SERPINB8: variants seen among roughly 807,000 people sequenced by gnomAD.
SERPINB8 encodes the protein serpin B8.
Under a neutral mutation model 35.3 loss-of-function variants are expected in SERPINB8, and 25 were observed. The observed-to-expected ratio is 0.71, with a 90% confidence interval of 0.52 to 0.99. SERPINB8 has a LOEUF of 0.99. Among genes scored for constraint, SERPINB8 ranks in the 50% least tolerant of loss-of-function variants. The pLI is 0.00. For missense variants in SERPINB8, 484 were observed against 446.5 expected (o/e 1.08, Z -0.76); for synonymous variants, 186 against 160.8 (o/e 1.16, Z -1.19).
At chr18:64,016,715 C>T (rs968783892) in intron 7 of SERPINB8, among the ~76,000 whole-genome samples, 2 of 152,136 alleles carry the variant, frequency 1.3e-5, no homozygotes, top group African/African-American at 4.8e-5. Context: ...TTTCAGATTT[C>T]ATCCAGGAGC....
At chr18:63,977,730 T>G (rs2144797016) in intron 1 of SERPINB8, among the ~76,000 whole-genome samples, 1 of 152,314 alleles carries the variant, frequency 6.6e-6, no homozygotes, top group East Asian at 1.9e-4. Context: ...TCATAGGCCC[T>G]GAGATTGGCT....
At chr18:63,974,503 T>TGGACA (rs1036235647) in intron 1 of SERPINB8, among the ~76,000 whole-genome samples, 3 of 152,218 alleles carry the variant, frequency 2.0e-5, no homozygotes, top group Non-Finnish European at 2.9e-5. Context: ...GTGAGTCCTG[T>TGGACA]GGACAGTATT....
chr18:63,994,328 CCTCTCTCTTTCTCTCTCT>C (rs2050838329), downstream of SERPINB8, among the ~76,000 whole-genome samples: 1 of 151,934 alleles, frequency 6.6e-6, no homozygotes, highest in Non-Finnish European at 1.5e-5. Context: ...ATACATGCCC[CCTCTCTCTTTCTCTCTCT>C]CTCTCTCTCT....
chr18:64,000,218 A>G (rs978807310), intron 1 of SERPINB8, among the ~76,000 whole-genome samples: 2 of 152,196 alleles, frequency 1.3e-5, no homozygotes, highest in Admixed American at 6.5e-5. Context: ...GCTCATGGCT[A>G]TGTTTAATCT....
chr18:64,019,237 A>G (rs1279588047), exon 8 of SERPINB8: 2 of 152,654 alleles, frequency 1.3e-5, no homozygotes, highest in African/African-American at 4.8e-5. Context: ...TCTCCAAGCC[A>G]GAAGCCCAGC....
At chr18:63,972,878 T>G (rs915131261) in intron 1 of SERPINB8, among the ~76,000 whole-genome samples, 1 of 152,222 alleles carries the variant, frequency 6.6e-6, no homozygotes, top group Non-Finnish European at 1.5e-5. Flanking sequence ...ATTTTCTTAA[T>G]CCAGTCTATC....
In SERPINB8 at chr18:63,987,180, A is replaced by G. The variant is rs867038329; in HGVS notation, c.1027A>G (p.Met343Val). The change falls in exon 7 of 7, where the codon ATG (methionine) becomes GTG (valine). Residue 343 changes from methionine (M) to valine (V), a missense_variant. By Grantham distance (21) the Met-to-Val change is conservative. Coordinates refer to ENST00000397985, the MANE Select transcript of SERPINB8 (RefSeq NM_002640.4). ...AVVRNSRCSR[M>V]EPRFCADHPF... Reference sequence around the variant, plus strand: ...GGTCAGGAATTCCCGGTGCAGCAGAATGGAGCCAAGATTCTGTGCAGACCA... The same window carrying G: ...GGTCAGGAATTCCCGGTGCAGCAGAGTGGAGCCAAGATTCTGTGCAGACCA... 50 of 1,614,198 alleles carry G rather than the reference A, an allele frequency of 3.1e-5. 7 individuals carry two copies. The Middle Eastern group carries it at 7.9e-3, about 256-fold the overall frequency.
chr18:64,010,546 T>C (rs1474377258), downstream of SERPINB8, among the ~76,000 whole-genome samples: 1 of 152,182 alleles, frequency 6.6e-6, no homozygotes, highest in African/African-American at 2.4e-5. Context: ...TGCTCAGTTC[T>C]GGTGCGCTGT....
chr18:63,983,722 G>T lies in SERPINB8; in HGVS notation c.567+1G>T, dbSNP rs772149981. 5.0e-6 allele frequency: 8 copies of T among 1,610,826 alleles called. No individual in the cohort carries two copies. The highest frequency in any genetic ancestry group is 1.6e-4 in the Middle Eastern group (1 of 6,082). ...GGGAATGCTCTTTAAAACCAACGAG[G>T]TAGGGAAAGATTTTTCAGATATACT... On this transcript the variant is annotated splice_donor_variant, in intron 5 of 6. Transcript: ENST00000397985. LOFTEE classifies it high-confidence loss of function.
At chr18:64,016,045 G>A (rs1436880428) in intron 7 of SERPINB8, among the ~76,000 whole-genome samples, 1 of 152,188 alleles carries the variant, frequency 6.6e-6, no homozygotes, top group East Asian at 1.9e-4. Context: ...ACAGACCCTA[G>A]ACACTTTTCC....
chr18:63,986,432 C>T lies in SERPINB8; in HGVS notation c.721-442C>T, dbSNP rs1039165631. 5.5e-6 allele frequency: 8 copies of T among 1,456,862 alleles called. No homozygotes were observed. In the Admixed American group the frequency reaches 1.0e-4, roughly 19 times the overall value. The allele number at this position is 1,456,862 out of a possible 1,614,324, so 90.2% of individuals were successfully genotyped here. A position where few individuals can be genotyped will look rare whatever the true frequency, so the allele number is the denominator to read the frequency against. On this transcript the variant is annotated intron_variant, in intron 6 of 6. Coordinates refer to ENST00000397985, the MANE Select transcript of SERPINB8 (RefSeq NM_002640.4). ...CCTCTCTTTTACTCTGAGTTGCCCTCTGATTTAACCCTGAATAGTCCCCTC... is the reference window on the plus strand; with the variant it reads ...CCTCTCTTTTACTCTGAGTTGCCCTTTGATTTAACCCTGAATAGTCCCCTC...
intron 7 of SERPINB8, among the ~76,000 whole-genome samples, chr18:64,013,856 A>G (rs1449103523): frequency 6.6e-6 from 1 of 152,224 alleles, no homozygotes; most frequent in African/African-American, 2.4e-5. Context: ...AACAGTGTCT[A>G]TGTGGAAGCA....
downstream of SERPINB8, among the ~76,000 whole-genome samples, chr18:64,006,564 A>G (rs1488335221): frequency 6.6e-6 from 1 of 152,220 alleles, no homozygotes; most frequent in Non-Finnish European, 1.5e-5. Flanking sequence ...GCAAACTGCC[A>G]GCCTCAAGAA....
At chr18:64,000,430 C>T (rs1360601774) in intron 1 of SERPINB8, among the ~76,000 whole-genome samples, 2 of 152,128 alleles carry the variant, frequency 1.3e-5, no homozygotes, top group Admixed American at 6.5e-5. Context: ...GGACAAAATC[C>T]TAAATGGAAT....
intron 1 of SERPINB8, among the ~76,000 whole-genome samples, chr18:63,974,430 G>T (rs2050548277): frequency 6.6e-6 from 1 of 152,178 alleles, no homozygotes; most frequent in Non-Finnish European, 1.5e-5. Context: ...CTCCCAGGAG[G>T]AGGACAATAT....
chr18:63,987,385 G>T lies in SERPINB8; in HGVS notation c.*107G>T. The T allele has an allele frequency of 1.8e-6, 2 of 1,125,422 alleles. No individual in the cohort carries two copies. Among genetic ancestry groups the T allele is most frequent in the Non-Finnish European group, 1.3e-6 (1 of 781,244 alleles). 69.7% of individuals were successfully genotyped at this position (1,125,422 alleles called of 1,614,324 possible). ...AGTGGCTTGAATGCCAAAATAAAGC[G>T]TGTGCACTGGATAGTGTGTGAAAGT... is the stretch of plus-strand genomic sequence containing the variant. On this transcript the variant is annotated 3_prime_UTR_variant, in exon 7 of 7. Transcript: ENST00000397985.
chr18:63,985,055 C>T (rs1312701519), intron 5 of SERPINB8, 38 bp from the exon 6 acceptor site: 1 of 1,606,654 alleles, frequency 6.2e-7, no homozygotes. Context: ...GTAAATTATA[C>T]CCACTTTTCA....
intron 2 of SERPINB8, 29 bp from the exon 3 acceptor site, chr18:63,979,772 T>C (rs1246466618): frequency 6.2e-7 from 1 of 1,613,546 alleles, no homozygotes. Flanking sequence ...ATGGCAGCGT[T>C]AAAAGTCAGT....
intron 7 of SERPINB8, among the ~76,000 whole-genome samples, chr18:64,017,376 G>T (rs1007817136): frequency 5.3e-5 from 8 of 152,064 alleles, no homozygotes; most frequent in Non-Finnish European, 1.0e-4. Context: ...TTCCTATGAG[G>T]GTAGGAATCA....
Sources: gnomAD v4.1 joint callset for allele counts (sites outside exome capture counted in the v4.1 genomes callset) on GRCh38, gnomAD v4.1.1 for gene constraint, MANE v1.5 for transcripts, NCBI Gene and HGNC (gene_info 2026-07-23, HGNC 2026-07-21) for gene names.